SETD3: variants seen among roughly 807,000 people sequenced by gnomAD.
SETD3 encodes the protein actin-histidine N-methyltransferase.
A neutral mutation model predicts 63.0 loss-of-function variants in SETD3; 19 were observed. The ratio of observed to expected loss-of-function variants is 0.30; its 90% CI spans 0.21 to 0.44. The LOEUF (loss-of-function observed/expected upper bound fraction) is 0.44, where lower values mean the gene tolerates loss of function less well. Among genes scored for constraint, SETD3 ranks in the 20% least tolerant of loss-of-function variants. SETD3 has a pLI of 1.00. For synonymous variants in SETD3, 286 were observed against 264.1 expected (o/e 1.08, Z -0.80); for missense variants, 587 against 728.5 (o/e 0.81, Z 2.24).
chr14:99,480,705 C>G (rs1305313328), intron 1 of SETD3, 23 bp downstream of exon 1: 1 of 150,840 alleles, frequency 6.6e-6, no homozygotes, highest in Non-Finnish European at 1.5e-5. Flanking sequence ...CGCGCGGGCG[C>G]AGAGACCGCC....
intron 1 of SETD3, among the ~76,000 whole-genome samples, chr14:99,466,646 G>A (rs148886502): frequency 1.5e-3 from 233 of 151,764 alleles, no homozygotes; most frequent in African/African-American, 5.5e-3. Context: ...TTCAAAGACA[G>A]GGACAGGACT....
At chr14:99,453,426 A>T (rs1340513327) in intron 6 of SETD3, among the ~76,000 whole-genome samples, 1 of 152,214 alleles carries the variant, frequency 6.6e-6, no homozygotes, top group East Asian at 1.9e-4. Context: ...CTCATTCAAA[A>T]GCTCTTAGCC....
intron 6 of SETD3, among the ~76,000 whole-genome samples, chr14:99,420,031 C>A (rs1892501678): frequency 6.6e-6 from 1 of 152,200 alleles, no homozygotes; most frequent in Non-Finnish European, 1.5e-5. Context: ...TTAGGGGGTA[C>A]TGCCTAGCAG....
chr14:99,466,631 G>C (rs2400673), intron 1 of SETD3, among the ~76,000 whole-genome samples: 147,405 of 150,496 alleles, frequency 0.98, 72,283 homozygotes, highest in Non-Finnish European at 1. Flanking sequence ...GGGGGGGGGG[G>C]GGCATTCAAA....
intron 6 of SETD3, among the ~76,000 whole-genome samples, chr14:99,419,151 T>A (rs1003507142): frequency 5.3e-5 from 8 of 152,246 alleles, no homozygotes; most frequent in Admixed American, 4.6e-4. Context: ...ACAGATTATA[T>A]CCAACTCTTC....
At position 99,399,741 on chromosome 14, in the gene SETD3, A is replaced by AATTTTTTTTTTTTTTTTT. The variant is rs1566869064; in HGVS notation, c.1338+357_1338+358insAAAAAAAAAAAAAAAAAT. Among the ~76,000 whole-genome samples the AATTTTTTTTTTTTTTTTT allele has an allele frequency of 2.3e-4, 30 of 127,728 alleles. 14 individuals are homozygous for AATTTTTTTTTTTTTTTTT. Among genetic ancestry groups the AATTTTTTTTTTTTTTTTT allele is most frequent in the Non-Finnish European group, 2.1e-4 (13 of 61,422 alleles). The allele number at this position is 127,728 out of a possible 152,430, so 83.8% of individuals were successfully genotyped here. A position where few individuals can be genotyped will look rare whatever the true frequency, so the allele number is the denominator to read the frequency against. ...GAATTAACAAGAAATCTTTCATTAA[A>AATTTTTTTTTTTTTTTTT]TTTTTTTTTTTTTTTTTTTTTTTTT... On this transcript the variant is annotated intron_variant, in intron 12 of 12. Coordinates refer to ENST00000331768, the MANE Select transcript of SETD3 (RefSeq NM_032233.3).
intron 6 of SETD3, among the ~76,000 whole-genome samples, chr14:99,433,402 T>A (rs1307687883): frequency 6.6e-6 from 1 of 152,134 alleles, no homozygotes; most frequent in Admixed American, 6.5e-5. Flanking sequence ...GTTTAATAGA[T>A]ATTTCAGGTA....
chr14:99,464,484 G>A (rs773503990), intron 2 of SETD3, among the ~76,000 whole-genome samples: 38 of 152,162 alleles, frequency 2.5e-4, no homozygotes, highest in African/African-American at 4.8e-4. Context: ...AAGCAGCAGC[G>A]AGCCTGTCCT....
chr14:99,435,246 G>C (rs1893414145), intron 6 of SETD3, among the ~76,000 whole-genome samples: 1 of 151,940 alleles, frequency 6.6e-6, no homozygotes, highest in Admixed American at 6.6e-5. Flanking sequence ...TTAAAGTATA[G>C]CTATATTTTT....
intron 7 of SETD3, among the ~76,000 whole-genome samples, chr14:99,413,569 A>G (rs1398429485): frequency 6.6e-6 from 1 of 152,258 alleles, no homozygotes; most frequent in African/African-American, 2.4e-5. Context: ...TTACACTAAC[A>G]TAGTCTTTTT....
At chr14:99,463,648 A>AGTCCAAATCCTCTTTCTTGT in intron 2 of SETD3, 70 bp from the exon 3 acceptor site, 1 of 1,280,376 alleles carries the variant, frequency 7.8e-7, no homozygotes, top group South Asian at 1.3e-5. Flanking sequence ...TGCACAAGAA[A>AGTCCAAATCCTCTTTCTTGT]GAGGATTTGG....
intron 6 of SETD3, among the ~76,000 whole-genome samples, chr14:99,441,450 G>T (rs1331826831): frequency 1.3e-5 from 2 of 152,222 alleles, no homozygotes; most frequent in Non-Finnish European, 2.9e-5. Flanking sequence ...GGACAGAAAG[G>T]CCCCACTCTT....
upstream of SETD3, chr14:99,481,698 G>A (rs532813528): frequency 2.6e-4 from 102 of 386,174 alleles, no homozygotes; most frequent in Non-Finnish European, 4.1e-4. Context: ...GGGCAGGGAG[G>A]CCGGACTCAC....
chr14:99,473,953 A>G (rs1895835822), intron 1 of SETD3, among the ~76,000 whole-genome samples: 1 of 152,254 alleles, frequency 6.6e-6, no homozygotes, highest in Non-Finnish European at 1.5e-5. Context: ...AGGGCCTAGT[A>G]GCAGCGCCAT....
At chr14:99,444,670 G>A (rs1326857045) in intron 6 of SETD3, among the ~76,000 whole-genome samples, 1 of 152,042 alleles carries the variant, frequency 6.6e-6, no homozygotes, top group Non-Finnish European at 1.5e-5. Flanking sequence ...ATCAGCCTGA[G>A]CAACATGGCA....
chr14:99,451,698 G>T (rs1394337132), intron 6 of SETD3, among the ~76,000 whole-genome samples: 1 of 151,876 alleles, frequency 6.6e-6, no homozygotes, highest in East Asian at 1.9e-4. Flanking sequence ...GTAGAGACAG[G>T]ATTTTGCCAT....
intron 6 of SETD3, among the ~76,000 whole-genome samples, chr14:99,437,700 A>C (rs1893564064): frequency 6.6e-6 from 1 of 152,202 alleles, no homozygotes; most frequent in Non-Finnish European, 1.5e-5. Flanking sequence ...TGTGTGTGAC[A>C]CACAGAAAGA....
chr14:99,410,069 G>T, intron 8 of SETD3: 2 of 727,994 alleles, frequency 2.7e-6, no homozygotes, highest in East Asian at 2.5e-5. Flanking sequence ...AGGGCAGGAG[G>T]GCGGATGAGC....
chr14:99,443,397 G>A (rs750488184), intron 6 of SETD3, among the ~76,000 whole-genome samples: 1 of 151,554 alleles, frequency 6.6e-6, no homozygotes, highest in Non-Finnish European at 1.5e-5. Flanking sequence ...GATCACAGGC[G>A]CACGCTACCA....
Sources: allele counts gnomAD v4.1 joint callset (sites outside exome capture counted in the v4.1 genomes callset), GRCh38; gene constraint gnomAD v4.1.1; transcripts MANE v1.5; gene names NCBI Gene and HGNC (gene_info 2026-07-23, HGNC 2026-07-21).